NTRK3: variants seen among roughly 807,000 people sequenced by gnomAD.
NTRK3 encodes the protein NT-3 growth factor receptor.
NTRK3 carries 24 observed loss-of-function variants against 91.7 expected under a neutral mutation model. That is an observed-to-expected ratio of 0.26 (90% CI 0.19 to 0.37). The LOEUF (loss-of-function observed/expected upper bound fraction) is 0.37. Among genes scored for constraint, NTRK3 ranks in the 10% least tolerant of loss-of-function variants. The probability of loss-of-function intolerance (pLI) is 1.00; values close to 1 mark genes in which losing one functional copy is unlikely to be tolerated. For missense variants in NTRK3, 880 were observed against 1,068.9 expected, an observed-to-expected ratio of 0.82 and a Z score of 2.46; for synonymous variants, 483 against 404.0, an observed-to-expected ratio of 1.20 and a Z score of -2.34.
intron 5 of NTRK3, among the ~76,000 whole-genome samples, chr15:88,171,244 C>T (rs1363355542): frequency 6.6e-6 from 1 of 152,174 alleles, no homozygotes. Flanking sequence ...GGTCACCACA[C>T]CCCTTTTTTC....
intron 3 of NTRK3, among the ~76,000 whole-genome samples, chr15:88,213,495 C>A (rs2049443224): frequency 6.6e-6 from 1 of 151,860 alleles, no homozygotes; most frequent in Non-Finnish European, 1.5e-5. Context: ...AGACTAAGGC[C>A]CAGACAGACA....
exon 19 of NTRK3, chr15:87,863,623 T>C (rs2064583449): frequency 4.5e-6 from 1 of 222,936 alleles, no homozygotes; most frequent in African/African-American, 2.2e-5. Flanking sequence ...AGTACTGATG[T>C]GGTAGCTCTC....
chr15:87,916,274 T>C (rs1333837869), intron 17 of NTRK3: 3 of 345,332 alleles, frequency 8.7e-6, no homozygotes, highest in Non-Finnish European at 1.6e-5. Flanking sequence ...GAAATTTATG[T>C]ATCTTTTTAT....
chr15:88,156,106 T>C (rs940658303), intron 5 of NTRK3, among the ~76,000 whole-genome samples: 3 of 152,222 alleles, frequency 2.0e-5, no homozygotes, highest in Non-Finnish European at 2.9e-5. Flanking sequence ...TCAGGTTTTC[T>C]TTCCCCAGAT....
intron 13 of NTRK3, among the ~76,000 whole-genome samples, chr15:88,057,310 A>T (rs2142395785): frequency 6.6e-6 from 1 of 151,978 alleles, no homozygotes; most frequent in South Asian, 2.1e-4. Context: ...CAGCCTGGCC[A>T]ACATGGCGAA....
intron 5 of NTRK3, among the ~76,000 whole-genome samples, chr15:88,182,544 A>G (rs2046575829): frequency 1.3e-5 from 2 of 152,162 alleles, no homozygotes; most frequent in African/African-American, 4.8e-5. Flanking sequence ...CAAAGGCAAT[A>G]GACCCCTCCC....
At chr15:88,229,286 G>T (rs1437570782) in intron 3 of NTRK3, among the ~76,000 whole-genome samples, 1 of 152,192 alleles carries the variant, frequency 6.6e-6, no homozygotes, top group East Asian at 1.9e-4. Context: ...ACTAAAGCTT[G>T]AAGAGGTTAC....
rs1353098267 is a variant in NTRK3 at position 88,072,241 on chromosome 15, T to C, written c.1397-39196A>G. Among the ~76,000 whole-genome samples the C allele has an allele frequency of 2.0e-5, 3 of 152,022 alleles. No homozygotes were observed. In the East Asian group the frequency reaches 5.8e-4, roughly 29 times the overall value. Reference sequence around the variant, plus strand: ...GACTGGTCTCGAACTCCTGACCTCATGATCCGACTGCCTCAGCCTCCCAAA... The same window carrying C: ...GACTGGTCTCGAACTCCTGACCTCACGATCCGACTGCCTCAGCCTCCCAAA... On this transcript the variant is annotated intron_variant, in intron 13 of 18. Transcript: ENST00000394480.
chr15:88,037,606 G>A (rs912338833), intron 13 of NTRK3, among the ~76,000 whole-genome samples: 1 of 152,112 alleles, frequency 6.6e-6, no homozygotes, highest in African/African-American at 2.4e-5. Context: ...AGAGTGTCTA[G>A]AAGTTCAAGA....
chr15:88,213,808 A>C (rs1198174475), intron 3 of NTRK3, among the ~76,000 whole-genome samples: 3 of 152,200 alleles, frequency 2.0e-5, no homozygotes, highest in African/African-American at 7.2e-5. Flanking sequence ...GGCCAAGTGC[A>C]GTGGCTCACA....
intron 14 of NTRK3, among the ~76,000 whole-genome samples, chr15:87,957,833 A>T (rs2071833197): frequency 6.6e-6 from 1 of 152,234 alleles, no homozygotes; most frequent in Non-Finnish European, 1.5e-5. Context: ...ATTGTTTAGC[A>T]GAGCACATTA....
At chr15:88,232,435 G>A (rs527540215) in intron 3 of NTRK3, among the ~76,000 whole-genome samples, 1 of 152,350 alleles carries the variant, frequency 6.6e-6, no homozygotes, top group South Asian at 2.1e-4. Flanking sequence ...AATGGAGGAA[G>A]TGAAGTGGAT....
intron 13 of NTRK3, among the ~76,000 whole-genome samples, chr15:88,112,931 G>C (rs1019274148): frequency 5.3e-5 from 8 of 152,206 alleles, no homozygotes; most frequent in African/African-American, 1.9e-4. Context: ...CCACCACCAA[G>C]TGCGTGGCTG....
At chr15:87,863,874 C>T (rs575288912) in exon 19 of NTRK3, 1 of 231,928 alleles carries the variant, frequency 4.3e-6, no homozygotes, top group East Asian at 6.1e-5. Flanking sequence ...TTTATTGTCA[C>T]ATTCTGAGAA....
At chr15:88,050,893 C>G (rs990399953) in intron 13 of NTRK3, among the ~76,000 whole-genome samples, 2 of 152,148 alleles carry the variant, frequency 1.3e-5, no homozygotes, top group Non-Finnish European at 2.9e-5. Context: ...CTACAATATA[C>G]TCCCTGCCAC....
intron 10 of NTRK3, 61 bp downstream of exon 10, chr15:88,135,040 C>T (rs1164294624): frequency 2.5e-6 from 4 of 1,585,834 alleles, no homozygotes; most frequent in South Asian, 1.1e-5. Context: ...GCTACCATGC[C>T]CCATCTCCCA....
intron 14 of NTRK3, among the ~76,000 whole-genome samples, chr15:87,944,149 G>A (rs928142829): frequency 4.6e-5 from 7 of 152,178 alleles, no homozygotes; most frequent in Admixed American, 2.0e-4. Context: ...GATTTTATTC[G>A]ACCATAAATT....
intron 17 of NTRK3, chr15:87,885,725 G>T: frequency 1.5e-6 from 2 of 1,344,590 alleles, no homozygotes; most frequent in African/African-American, 1.5e-5. Flanking sequence ...ATTTCCAGAT[G>T]GATTAAAGAG....
At chr15:87,956,656 G>A (rs1374461776) in intron 14 of NTRK3, among the ~76,000 whole-genome samples, 4 of 151,916 alleles carry the variant, frequency 2.6e-5, no homozygotes, top group South Asian at 2.1e-4. Flanking sequence ...AACAACCCCC[G>A]CCTCCTGGGT....
Sources: allele counts gnomAD v4.1 joint callset (sites outside exome capture counted in the v4.1 genomes callset), GRCh38; gene constraint gnomAD v4.1.1; transcripts MANE v1.5; gene names NCBI Gene and HGNC (gene_info 2026-07-23, HGNC 2026-07-21).